ATP10B: variants seen among roughly 807,000 people sequenced by gnomAD.
ATP10B encodes phospholipid-transporting ATPase VB.
ATP10B carries 122 observed loss-of-function variants against 141.2 expected under a neutral mutation model. That is an observed-to-expected ratio of 0.86 (90% CI 0.75 to 1.00). The LOEUF (loss-of-function observed/expected upper bound fraction) is 1.00. Among genes scored for constraint, ATP10B ranks in the 50% least tolerant of loss-of-function variants. The pLI, the probability that ATP10B is intolerant of heterozygous loss-of-function variation, is 0.00. For missense variants in ATP10B, 1,876 were observed against 1,825.3 expected, an observed-to-expected ratio of 1.03 and a Z score of -0.51; for synonymous variants, 685 against 692.0, an observed-to-expected ratio of 0.99 and a Z score of 0.16.
chr5:160,742,823 CT>C (rs1443237052), intron 2 of ATP10B, among the ~76,000 whole-genome samples: 1 of 152,112 alleles, frequency 6.6e-6, no homozygotes, highest in African/African-American at 2.4e-5. Context: ...ATCATTTTGG[CT>C]GGTGACCTTA....
chr5:160,872,852 G>A, the ATP10B span, among the ~76,000 whole-genome samples: 10 of 152,074 alleles, frequency 6.6e-5, no homozygotes, highest in Non-Finnish European at 1.3e-4. Context: ...CTTTGACTAT[G>A]CGGTCTTTTG....
At chr5:160,616,767 C>G (rs533490665) in intron 16 of ATP10B, among the ~76,000 whole-genome samples, 34 of 152,316 alleles carry the variant, frequency 2.2e-4, no homozygotes, top group Middle Eastern at 6.8e-3. Context: ...AACAAGTAGG[C>G]CTTTTGCTTT....
the ATP10B span, among the ~76,000 whole-genome samples, chr5:160,918,376 C>T: frequency 8.7e-4 from 133 of 152,230 alleles, no homozygotes; most frequent in African/African-American, 2.9e-3. Context: ...GGAAGGCTTC[C>T]GTGTGGCAAT....
chr5:160,901,159 T>C, the ATP10B span, among the ~76,000 whole-genome samples: 1 of 152,112 alleles, frequency 6.6e-6, no homozygotes, highest in Non-Finnish European at 1.5e-5. Context: ...TTTGCAAATA[T>C]TGCGAACTTC....
At chr5:160,784,376 T>A (rs1770978684) in intron 2 of ATP10B, among the ~76,000 whole-genome samples, 1 of 152,216 alleles carries the variant, frequency 6.6e-6, no homozygotes, top group Non-Finnish European at 1.5e-5. Flanking sequence ...AATTCTTATC[T>A]AAAAAACTAA....
chr5:160,804,721 G>C (rs960825164), intron 1 of ATP10B, among the ~76,000 whole-genome samples: 8 of 152,152 alleles, frequency 5.3e-5, no homozygotes, highest in African/African-American at 1.9e-4. Flanking sequence ...TCAAATCTTG[G>C]TTCCATTACT....
chr5:160,642,478 C>G (rs907467062), intron 9 of ATP10B, among the ~76,000 whole-genome samples: 15 of 152,084 alleles, frequency 9.9e-5, no homozygotes, highest in Non-Finnish European at 1.8e-4. Flanking sequence ...TGATTTTACT[C>G]CCCAGAGGAC....
At chr5:160,836,225 G>A (rs1426356101) in intron 1 of ATP10B, among the ~76,000 whole-genome samples, 2 of 152,064 alleles carry the variant, frequency 1.3e-5, no homozygotes, top group African/African-American at 4.8e-5. Flanking sequence ...AATTGCACTT[G>A]TACCCCTTCA....
chr5:160,584,965 A>C (rs1399890061), intron 24 of ATP10B, among the ~76,000 whole-genome samples: 1 of 152,186 alleles, frequency 6.6e-6, no homozygotes, highest in Admixed American at 6.5e-5. Context: ...AGTCTCTGGC[A>C]GACTTAAGGG....
intron 24 of ATP10B, among the ~76,000 whole-genome samples, chr5:160,581,264 C>T (rs1169617997): frequency 6.6e-6 from 1 of 152,144 alleles, no homozygotes; most frequent in Non-Finnish European, 1.5e-5. Flanking sequence ...TTAGATCTTT[C>T]CCACTTTCTC....
the ATP10B span, among the ~76,000 whole-genome samples, chr5:160,894,031 C>T: frequency 2.0e-5 from 3 of 152,096 alleles, no homozygotes; most frequent in South Asian, 6.2e-4. Flanking sequence ...ACAAAAACCC[C>T]ATTTGAAGGT....
chr5:160,906,143 T>C, the ATP10B span, among the ~76,000 whole-genome samples: 1 of 152,174 alleles, frequency 6.6e-6, no homozygotes, highest in African/African-American at 2.4e-5. Flanking sequence ...GAAAATAGCT[T>C]CAATTTTCCA....
chr5:160,910,902 C>A, the ATP10B span, among the ~76,000 whole-genome samples: 3 of 152,172 alleles, frequency 2.0e-5, no homozygotes, highest in Admixed American at 2.0e-4. Flanking sequence ...GTGAGAAGAT[C>A]TCTCATGAAG....
In ATP10B at chr5:160,620,553, G is replaced by A. The variant is rs371341611; in HGVS notation, c.2210C>T (p.Thr737Ile). ...LVHAAHAYSF[T>I]LVSRTPEQVT... ...CTGCTCAGGTGTCCGGGACACTAGT[G>A]TGAAGCTGTAGGCATGGGCAGCGTG... The change falls in exon 15 of 26, where the codon ACA becomes ATA. Residue 737 changes from threonine to isoleucine, a missense_variant. Transcript: ENST00000327245. 3.7e-6 allele frequency: 6 copies of A among 1,614,138 alleles called. No individual in the cohort carries two copies. The highest frequency in any genetic ancestry group is 1.3e-5 in the African/African-American group (1 of 75,082).
At chr5:160,643,628 T>C (rs1363238638) in intron 9 of ATP10B, among the ~76,000 whole-genome samples, 4 of 152,174 alleles carry the variant, frequency 2.6e-5, no homozygotes, top group Non-Finnish European at 4.4e-5. Context: ...ATAAAGGTAA[T>C]AGTAAAAACA....
intron 21 of ATP10B, among the ~76,000 whole-genome samples, chr5:160,600,482 C>A (rs192039264): frequency 5.3e-5 from 8 of 152,324 alleles, no homozygotes; most frequent in Admixed American, 2.0e-4. Flanking sequence ...GACAGCCTCA[C>A]GCAGGCCATG....
intron 7 of ATP10B, among the ~76,000 whole-genome samples, chr5:160,655,770 T>G (rs903792213): frequency 6.6e-6 from 1 of 152,210 alleles, no homozygotes; most frequent in African/African-American, 2.4e-5. Flanking sequence ...CATGCGTGCA[T>G]TCAAGCTTTT....
intron 2 of ATP10B, among the ~76,000 whole-genome samples, chr5:160,771,084 C>T (rs1356732946): frequency 3.9e-5 from 6 of 152,180 alleles, no homozygotes; most frequent in East Asian, 1.9e-4. Context: ...TAAAGTCACA[C>T]ACCTTCGATT....
intron 1 of ATP10B, among the ~76,000 whole-genome samples, chr5:160,811,191 A>G (rs1581576195): frequency 6.6e-6 from 1 of 152,160 alleles, no homozygotes; most frequent in Non-Finnish European, 1.5e-5. Flanking sequence ...GGTAGTATGC[A>G]ATGAACCTTG....
Sources: gnomAD v4.1 joint callset for allele counts (sites outside exome capture counted in the v4.1 genomes callset) on GRCh38, gnomAD v4.1.1 for gene constraint, MANE v1.5 for transcripts, NCBI Gene and HGNC (gene_info 2026-07-23, HGNC 2026-07-21) for gene names.